TCF4: variants seen among roughly 807,000 people sequenced by gnomAD.
TCF4 encodes the protein transcription factor 4, also known as SL3-3 enhancer factor 2.
TCF4 carries 3 observed loss-of-function variants against 82.1 expected under a neutral mutation model. The ratio of observed to expected loss-of-function variants is 0.04; its 90% CI spans 0.02 to 0.09. The LOEUF (loss-of-function observed/expected upper bound fraction) is 0.09, where lower values mean the gene tolerates loss of function less well. Among genes scored for constraint, TCF4 ranks in the 10% least tolerant of loss-of-function variants. The probability of loss-of-function intolerance (pLI) is 1.00; values close to 1 mark genes in which losing one functional copy is unlikely to be tolerated. For missense variants in TCF4, 518 were observed against 852.7 expected, an observed-to-expected ratio of 0.61 and a Z score of 4.89; for synonymous variants, 276 against 309.6, an observed-to-expected ratio of 0.89 and a Z score of 1.14.
chr18:55,473,785 T>G (rs1310114848), intron 3 of TCF4, among the ~76,000 whole-genome samples: 1 of 152,158 alleles, frequency 6.6e-6, no homozygotes, highest in Admixed American at 6.6e-5. Context: ...AGTAATCAAA[T>G]CAAAGCAGGT....
At chr18:55,506,616 C>T (rs2074352195) in intron 3 of TCF4, among the ~76,000 whole-genome samples, 1 of 152,048 alleles carries the variant, frequency 6.6e-6, no homozygotes, top group African/African-American at 2.4e-5. Context: ...AGCAAGCATG[C>T]ATTCATTTAT....
rs139920674 is a variant in TCF4 at position 55,454,656 on chromosome 18, C to T, written c.304+6363G>A. Among the ~76,000 whole-genome samples the T allele has an allele frequency of 5.6e-4, 85 of 152,184 alleles. 1 individual carries two copies. Among genetic ancestry groups the T allele is most frequent in the Middle Eastern group, 3.4e-3 (1 of 294 alleles). ...TTACATTTGGAAAACACATCACTGG[C>T]AAAGTCACTTGAAGGTATTCATAAA... On this transcript the variant is annotated intron_variant, in intron 5 of 19. Transcript: ENST00000354452.
intron 3 of TCF4, among the ~76,000 whole-genome samples, chr18:55,505,436 G>A (rs1379496526): frequency 6.6e-6 from 1 of 152,076 alleles, no homozygotes. Context: ...TAATTTACAA[G>A]AAATAACTTA....
intron 3 of TCF4, among the ~76,000 whole-genome samples, chr18:55,466,501 A>AAT (rs1008460657): frequency 2.0e-5 from 3 of 151,860 alleles, no homozygotes; most frequent in South Asian, 2.1e-4. Context: ...TGTCCCTAAA[A>AAT]ATATATATAT....
chr18:55,235,569 C>T (rs1027593953), intron 15 of TCF4, among the ~76,000 whole-genome samples: 5 of 152,162 alleles, frequency 3.3e-5, no homozygotes, highest in Non-Finnish European at 7.3e-5. Flanking sequence ...CTACTACTAT[C>T]GACTCTGGGG....
At chr18:55,505,314 G>A (rs1225546571) in intron 3 of TCF4, among the ~76,000 whole-genome samples, 7 of 152,048 alleles carry the variant, frequency 4.6e-5, no homozygotes, top group Admixed American at 3.3e-4. Flanking sequence ...TAACTAAAGT[G>A]TCTAAAAAGC....
At chr18:55,342,124 C>T (rs1174333822) in intron 8 of TCF4, among the ~76,000 whole-genome samples, 1 of 152,172 alleles carries the variant, frequency 6.6e-6, no homozygotes, top group Non-Finnish European at 1.5e-5. Flanking sequence ...TACCTGGGCA[C>T]TCCCAGCTTG....
intron 6 of TCF4, among the ~76,000 whole-genome samples, chr18:55,382,078 G>A (rs1399261330): frequency 2.0e-5 from 3 of 152,010 alleles, no homozygotes; most frequent in African/African-American, 7.2e-5. Flanking sequence ...TAATTCTATA[G>A]AGAAAAATTT....
At chr18:55,349,700 T>C (rs986644853) in intron 8 of TCF4, among the ~76,000 whole-genome samples, 13 of 151,826 alleles carry the variant, frequency 8.6e-5, no homozygotes, top group African/African-American at 3.1e-4. Flanking sequence ...AAATATGATA[T>C]CATGTATTGA....
intron 3 of TCF4, among the ~76,000 whole-genome samples, chr18:55,471,382 G>T (rs1306014214): frequency 6.6e-6 from 1 of 152,178 alleles, no homozygotes; most frequent in African/African-American, 2.4e-5. Flanking sequence ...GATGAGGGTT[G>T]TGTCAATGCT....
intron 15 of TCF4, among the ~76,000 whole-genome samples, chr18:55,244,255 C>CT (rs1324594770): frequency 6.6e-6 from 1 of 152,126 alleles, no homozygotes; most frequent in Admixed American, 6.5e-5. Flanking sequence ...AGTCGGGTCT[C>CT]TTTTCCCCCT....
intron 3 of TCF4, among the ~76,000 whole-genome samples, chr18:55,537,134 G>GAAA (rs1568343265): frequency 8.8e-6 from 1 of 113,198 alleles, no homozygotes; most frequent in Non-Finnish European, 1.8e-5. Flanking sequence ...ACTCCGTCTC[G>GAAA]GAAAAAAAAA....
At chr18:55,430,632 A>G (rs2095159433) in intron 5 of TCF4, among the ~76,000 whole-genome samples, 1 of 28,674 alleles carries the variant, frequency 3.5e-5, no homozygotes, top group African/African-American at 9.4e-5. Flanking sequence ...AGACAGAAGC[A>G]GAAAGCAGGA....
intron 17 of TCF4, chr18:55,232,254 G>C: frequency 4.4e-6 from 2 of 458,640 alleles, no homozygotes; most frequent in East Asian, 7.9e-5. Context: ...AACTGTACTT[G>C]AATCAGAGAC....
chr18:55,425,047 A>C (rs1476953576), intron 5 of TCF4, among the ~76,000 whole-genome samples: 2 of 152,228 alleles, frequency 1.3e-5, no homozygotes, highest in East Asian at 3.8e-4. Flanking sequence ...ATTTACACTA[A>C]GAACAAGAAA....
chr18:55,481,927 C>T (rs1363793144), intron 3 of TCF4, among the ~76,000 whole-genome samples: 1 of 152,188 alleles, frequency 6.6e-6, no homozygotes, highest in Non-Finnish European at 1.5e-5. Context: ...GCTACAGTTA[C>T]AATGAGCAAG....
chr18:55,467,421 T>C (rs1377243), intron 3 of TCF4, among the ~76,000 whole-genome samples: 88,824 of 151,910 alleles, frequency 0.58, 26,072 homozygotes, highest in Middle Eastern at 0.7. Context: ...GTCCGTCTCA[T>C]ATCTACTCAG....
At chr18:55,577,207 T>C (rs1054394528) in intron 3 of TCF4, among the ~76,000 whole-genome samples, 2 of 27,448 alleles carry the variant, frequency 7.3e-5, no homozygotes, top group Non-Finnish European at 1.2e-4. Context: ...TTTATATATT[T>C]ATATAAATGT....
intron 6 of TCF4, among the ~76,000 whole-genome samples, chr18:55,386,467 C>A (rs2092614727): frequency 6.6e-6 from 1 of 152,184 alleles, no homozygotes. Context: ...GGAGCACAAT[C>A]ATAATTTCTT....
Sources: gnomAD v4.1 joint callset for allele counts (sites outside exome capture counted in the v4.1 genomes callset) on GRCh38, gnomAD v4.1.1 for gene constraint, MANE v1.5 for transcripts, NCBI Gene and HGNC (gene_info 2026-07-23, HGNC 2026-07-21) for gene names.